Variants in MARCHF4 observed in about 807,000 individuals in gnomAD.
The protein encoded by MARCHF4 is E3 ubiquitin-protein ligase MARCHF4.
In MARCHF4, 14 loss-of-function variants were observed where a neutral mutation model predicts 43.9. The observed-to-expected ratio is 0.32, with a 90% CI of 0.21 to 0.50. MARCHF4 has a LOEUF of 0.50. Among genes scored for constraint, MARCHF4 ranks in the 20% least tolerant of loss-of-function variants. The pLI, the probability that MARCHF4 is intolerant of heterozygous loss-of-function variation, is 0.98. For synonymous variants in MARCHF4, 226 were observed against 213.3 expected (o/e 1.06, Z -0.52); for missense variants, 468 against 536.7 (o/e 0.87, Z 1.27).
intron 1 of MARCHF4, among the ~76,000 whole-genome samples, chr2:216,368,055 C>A (rs1207858901): frequency 6.6e-6 from 1 of 152,184 alleles, no homozygotes; most frequent in Non-Finnish European, 1.5e-5. Context: ...CCCAGGGCAC[C>A]TCCAAGTCCT....
chr2:216,310,339 G>T (rs907167663), intron 1 of MARCHF4, among the ~76,000 whole-genome samples: 1 of 152,058 alleles, frequency 6.6e-6, no homozygotes, highest in East Asian at 1.9e-4. Flanking sequence ...ATAGCTCACC[G>T]CAGCCTCAAC....
intron 3 of MARCHF4, among the ~76,000 whole-genome samples, chr2:216,266,431 A>T (rs1215535678): frequency 6.6e-6 from 1 of 152,132 alleles, no homozygotes; most frequent in Non-Finnish European, 1.5e-5. Flanking sequence ...CTCCTTCTTC[A>T]TTGGCAACCT....
In MARCHF4 at chr2:216,259,300, G is replaced by A. The variant is rs765773619; in HGVS notation, c.*12C>T. 50 of 1,519,748 alleles carry A rather than the reference G, an allele frequency of 3.3e-5. No individual in the cohort carries two copies. The highest frequency in any genetic ancestry group is 8.6e-5 in the Admixed American group (4 of 46,542). The allele number at this position is 1,519,748 out of a possible 1,614,324, so 94.1% of individuals were successfully genotyped here. On this transcript the variant is annotated 3_prime_UTR_variant, in exon 4 of 4. Transcript: ENST00000273067. ...CAGTGGTGGTCATGGCCTTCCTTCC[G>A]GGCCTCTGCTCTCACACTGTCGTGA...
intron 1 of MARCHF4, among the ~76,000 whole-genome samples, chr2:216,345,529 T>C (rs1384787281): frequency 1.3e-5 from 2 of 152,158 alleles, no homozygotes; most frequent in Non-Finnish European, 2.9e-5. Flanking sequence ...TTTGCAACCC[T>C]GTCTGCACAT....
chr2:216,364,357 C>T (rs951979330), intron 1 of MARCHF4, among the ~76,000 whole-genome samples: 1 of 152,082 alleles, frequency 6.6e-6, no homozygotes, highest in Non-Finnish European at 1.5e-5. Flanking sequence ...AATGAATGAA[C>T]ACACACAGTT....
intron 1 of MARCHF4, among the ~76,000 whole-genome samples, chr2:216,346,954 T>G (rs1029087836): frequency 6.6e-6 from 1 of 151,980 alleles, no homozygotes; most frequent in African/African-American, 2.4e-5. Flanking sequence ...TGGTAGTGAG[T>G]GAGTTATTGC....
chr2:216,369,935 G>T lies in MARCHF4; in HGVS notation c.326C>A (p.Pro109His), dbSNP rs568388922. The change falls in exon 1 of 4, where the codon CCC (proline) becomes CAC (histidine). Residue 109 changes from proline (P) to histidine (H), a missense_variant. Transcript: ENST00000273067. ...REPPPVPPPP[P>H]LPPSSVEDDW... Reference sequence around the variant, plus strand: ...ATCTTCCACAGAAGAAGGTGGCAAGGGGGGTGGAGGTGGCACAGGAGGGGG... The same window carrying T: ...ATCTTCCACAGAAGAAGGTGGCAAGTGGGGTGGAGGTGGCACAGGAGGGGG... The T allele has an allele frequency of 1.9e-6, 3 of 1,605,652 alleles. No individual in the cohort carries two copies. In the Admixed American group the frequency reaches 5.1e-5, roughly 27 times the overall value.
intron 1 of MARCHF4, among the ~76,000 whole-genome samples, chr2:216,356,428 C>T (rs988767085): frequency 2.6e-5 from 4 of 152,214 alleles, no homozygotes; most frequent in African/African-American, 4.8e-5. Context: ...ATTTCATGCA[C>T]GGTGCTACGT....
chr2:216,317,127 C>A (rs1468921445), intron 1 of MARCHF4, among the ~76,000 whole-genome samples: 1 of 152,190 alleles, frequency 6.6e-6, no homozygotes, highest in Non-Finnish European at 1.5e-5. Flanking sequence ...CCCCACCCCC[C>A]AAAGCCATAC....
At chr2:216,361,494 C>T (rs996049258) in intron 1 of MARCHF4, among the ~76,000 whole-genome samples, 21 of 152,124 alleles carry the variant, frequency 1.4e-4, no homozygotes, top group African/African-American at 3.9e-4. Context: ...TGCCCCTGAC[C>T]TCTAGGTACT....
Position 216,259,454 on chromosome 2 carries a change from GC to G in MARCHF4, c.1090del (p.Ala364LeufsTer22). On this transcript the variant is annotated frameshift_variant, in exon 4 of 4. Coordinates refer to ENST00000273067, the MANE Select transcript of MARCHF4 (RefSeq NM_020814.3). LOFTEE classifies it high-confidence loss of function. ...CAGAGGGCCTGAGGGGTGGCCGGCA[GC>G]CTGGGCAGGGCCCTGCTCAGGGGCA... ...TPAPEQGPAQ[A>X]AGHPSGPLSH... 6.2e-7 allele frequency: 1 copy of G among 1,614,142 alleles called. No homozygotes were observed. The highest frequency in any genetic ancestry group is 8.5e-7 in the Non-Finnish European group (1 of 1,179,990).
chr2:216,258,041 G>A lies in MARCHF4; in HGVS notation c.*1271C>T, dbSNP rs1690680912. ...GAAACTTTGCAGGTGAACACCCAGTGGCCTTCCCTGGCAGGGTCCCCAGAG... is the reference window on the plus strand; with the variant it reads ...GAAACTTTGCAGGTGAACACCCAGTAGCCTTCCCTGGCAGGGTCCCCAGAG... On this transcript the variant is annotated 3_prime_UTR_variant, in exon 4 of 4. Transcript: ENST00000273067. 1 of 152,194 alleles carries A rather than the reference G, an allele frequency of 6.6e-6. No individual in the cohort carries two copies. Among genetic ancestry groups the A allele is most frequent in the Admixed American group, 6.5e-5 (1 of 15,278 alleles). 9.4% of individuals were successfully genotyped at this position (152,194 alleles called of 1,614,324 possible).
intron 3 of MARCHF4, among the ~76,000 whole-genome samples, chr2:216,263,912 G>A (rs1341101276): frequency 1.3e-5 from 2 of 152,176 alleles, no homozygotes; most frequent in East Asian, 3.9e-4. Flanking sequence ...GGATGCTGGT[G>A]CAGAGAGTGA....
intron 1 of MARCHF4, among the ~76,000 whole-genome samples, chr2:216,331,054 C>A (rs1439122492): frequency 6.6e-6 from 1 of 151,878 alleles, no homozygotes; most frequent in East Asian, 1.9e-4. Context: ...AACAAATGCA[C>A]CTTAGAGAAA....
At position 216,258,555 on chromosome 2, in the gene MARCHF4, A is replaced by G. The variant is rs1281216725; in HGVS notation, c.*757T>C. On this transcript the variant is annotated 3_prime_UTR_variant, in exon 4 of 4. Transcript: ENST00000273067. Reference sequence around the variant, plus strand: ...GTGTGTGTGTGTGTGTCCTGTAAACATCTTTGAACCAAATCACTATAAAAT... The same window carrying G: ...GTGTGTGTGTGTGTGTCCTGTAAACGTCTTTGAACCAAATCACTATAAAAT... 1.4e-5 allele frequency: 2 copies of G among 140,894 alleles called. No homozygotes were observed. The highest frequency in any genetic ancestry group is 5.4e-5 in the African/African-American group (2 of 36,884). The allele number at this position is 140,894 out of a possible 1,614,324, so 8.7% of individuals were successfully genotyped here.
chr2:216,263,499 G>GAA (rs1559280505), intron 3 of MARCHF4, among the ~76,000 whole-genome samples: 2 of 137,834 alleles, frequency 1.5e-5, no homozygotes, highest in African/African-American at 2.8e-5. Context: ...GAGAAAGAGA[G>GAA]AGAGAGAGAG....
Position 216,259,465 on chromosome 2 carries a change from G to A in MARCHF4, c.1080C>T (p.Gly360=), listed in dbSNP as rs144064965. The change falls in exon 4 of 4, where the codon GGC becomes GGT. Residue 360 remains glycine, a synonymous_variant. Transcript: ENST00000273067. ...AGGGGTGGCCGGCAGCCTGGGCAGG[G>A]CCCTGCTCAGGGGCAGGGGTGCCTG... The part of the protein sequence containing the change: ...ETAGTPAPEQ[G]PAQAAGHPSG... 8 of 1,614,048 alleles carry A rather than the reference G, an allele frequency of 5.0e-6. No individual in the cohort carries two copies. The highest frequency in any genetic ancestry group is 1.3e-5 in the African/African-American group (1 of 74,932).
intron 1 of MARCHF4, among the ~76,000 whole-genome samples, chr2:216,332,748 T>C (rs1183779720): frequency 6.6e-6 from 1 of 152,186 alleles, no homozygotes; most frequent in African/African-American, 2.4e-5. Context: ...CTGTCTGAAC[T>C]ACCAGATATT....
In MARCHF4 at chr2:216,370,936, C is replaced by T. The variant is rs1421331758; in HGVS notation, c.-676G>A. ...AACTGGGGCAATTAACCCCCAGAAG[C>T]ACCAGAGTTGCTTTTAAGAGAGCAG... On this transcript the variant is annotated 5_prime_UTR_variant, in exon 1 of 4. Transcript: ENST00000273067. 1.3e-5 allele frequency: 2 copies of T among 151,588 alleles called. No individual in the cohort carries two copies. Among genetic ancestry groups the T allele is most frequent in the Non-Finnish European group, 2.9e-5 (2 of 67,980 alleles). 9.4% of individuals were successfully genotyped at this position (151,588 alleles called of 1,614,324 possible). A position where few individuals can be genotyped will look rare whatever the true frequency, so the allele number is the denominator to read the frequency against.
Sources: gnomAD v4.1 joint callset for allele counts (sites outside exome capture counted in the v4.1 genomes callset) on GRCh38, gnomAD v4.1.1 for gene constraint, MANE v1.5 for transcripts, NCBI Gene and HGNC (gene_info 2026-07-23, HGNC 2026-07-21) for gene names.